EIF4G3: variants seen among roughly 807,000 people sequenced by gnomAD.
EIF4G3 encodes eukaryotic translation initiation factor 4 gamma 3.
EIF4G3 carries 34 observed loss-of-function variants against 186.4 expected under a neutral mutation model. The ratio of observed to expected loss-of-function variants is 0.18; its 90% CI spans 0.14 to 0.24. EIF4G3 has a LOEUF of 0.24. EIF4G3 is among the 10% of genes least tolerant of loss of function. The probability of loss-of-function intolerance (pLI) is 1.00; values close to 1 mark genes in which losing one functional copy is unlikely to be tolerated. For synonymous variants in EIF4G3, 673 were observed against 679.5 expected (o/e 0.99, Z 0.15); for missense variants, 1,536 against 1,948.5 (o/e 0.79, Z 3.99).
intron 29 of EIF4G3, 126 bp from the exon 30 acceptor site, chr1:20,841,154 A>C: frequency 3.4e-6 from 3 of 892,146 alleles, no homozygotes; most frequent in Non-Finnish European, 3.3e-6. Flanking sequence ...GACAGTTTTC[A>C]AATATAAGTT....
intron 22 of EIF4G3, 68 bp downstream of exon 22, chr1:20,864,408 G>T: frequency 9.0e-7 from 1 of 1,109,186 alleles, no homozygotes; most frequent in Non-Finnish European, 1.4e-6. Context: ...CTATTCTGTT[G>T]ACAGTCTAAG....
At chr1:20,983,421 T>C (rs775841858) in intron 7 of EIF4G3, among the ~76,000 whole-genome samples, 39 of 152,354 alleles carry the variant, frequency 2.6e-4, no homozygotes, top group Non-Finnish European at 5.4e-4. Flanking sequence ...AACATTTTTT[T>C]GTTGGCTGCT....
intron 13 of EIF4G3, among the ~76,000 whole-genome samples, chr1:20,943,638 T>C (rs2095805383): frequency 6.6e-6 from 1 of 152,198 alleles, no homozygotes; most frequent in African/African-American, 2.4e-5. Context: ...CAACCTAAAC[T>C]GAGACTACTT....
intron 14 of EIF4G3, among the ~76,000 whole-genome samples, chr1:20,912,787 A>G (rs2093403220): frequency 6.6e-6 from 1 of 152,180 alleles, no homozygotes; most frequent in Admixed American, 6.5e-5. Context: ...TTCTGATTAG[A>G]TAATATGCAA....
intron 2 of EIF4G3, among the ~76,000 whole-genome samples, chr1:21,153,948 G>A (rs547419949): frequency 6.6e-6 from 1 of 152,054 alleles, no homozygotes; most frequent in Middle Eastern, 3.4e-3. Context: ...CATGCTGTTG[G>A]GTTTCACAGG....
At chr1:21,010,158 G>A (rs943126437) in intron 4 of EIF4G3, among the ~76,000 whole-genome samples, 9 of 152,062 alleles carry the variant, frequency 5.9e-5, no homozygotes, top group African/African-American at 2.2e-4. Flanking sequence ...TAGAAAACAT[G>A]TAACAAGGCC....
intron 12 of EIF4G3, among the ~76,000 whole-genome samples, chr1:20,964,324 A>G (rs1336977963): frequency 6.6e-6 from 1 of 151,912 alleles, no homozygotes; most frequent in Non-Finnish European, 1.5e-5. Flanking sequence ...TGTTCTCGTG[A>G]GCCATGATAT....
At chr1:21,053,724 G>T (rs1402609045) in intron 3 of EIF4G3, among the ~76,000 whole-genome samples, 1 of 148,090 alleles carries the variant, frequency 6.8e-6, no homozygotes, top group Non-Finnish European at 1.5e-5. Context: ...GGATGTTGGG[G>T]GGTCAGCCCC....
At chr1:20,979,327 T>C (rs372050985) in intron 10 of EIF4G3, among the ~76,000 whole-genome samples, 1 of 152,202 alleles carries the variant, frequency 6.6e-6, no homozygotes, top group East Asian at 1.9e-4. Context: ...CCCCATGCCA[T>C]AGATCTTATC....
intron 4 of EIF4G3, among the ~76,000 whole-genome samples, chr1:21,006,132 C>A (rs572740140): frequency 6.6e-6 from 1 of 152,304 alleles, no homozygotes; most frequent in East Asian, 1.9e-4. Context: ...TTCTTAGGAA[C>A]AGTATGACTT....
chr1:21,058,239 G>T (rs762130988), intron 3 of EIF4G3, among the ~76,000 whole-genome samples: 2 of 152,092 alleles, frequency 1.3e-5, no homozygotes, highest in African/African-American at 4.8e-5. Context: ...AGAGATTAGG[G>T]ACTATGGAAA....
At chr1:20,927,826 C>G (rs780406289) in intron 14 of EIF4G3, among the ~76,000 whole-genome samples, 1 of 152,148 alleles carries the variant, frequency 6.6e-6, no homozygotes, top group Non-Finnish European at 1.5e-5. Flanking sequence ...TCTGTGACAT[C>G]GAGCAATGCC....
At chr1:21,124,947 T>C (rs1558075163) in intron 2 of EIF4G3, among the ~76,000 whole-genome samples, 1 of 152,188 alleles carries the variant, frequency 6.6e-6, no homozygotes, top group Non-Finnish European at 1.5e-5. Context: ...AGATCTAAAA[T>C]CACCTCCAGT....
intron 2 of EIF4G3, among the ~76,000 whole-genome samples, chr1:21,106,500 A>C (rs2096620976): frequency 6.6e-6 from 1 of 152,196 alleles, no homozygotes; most frequent in African/African-American, 2.4e-5. Flanking sequence ...AGTTAGGCAG[A>C]CAGCAGTACT....
chr1:20,863,070 T>C (rs2076703220), intron 22 of EIF4G3, among the ~76,000 whole-genome samples: 2 of 152,128 alleles, frequency 1.3e-5, no homozygotes, highest in Non-Finnish European at 2.9e-5. Flanking sequence ...ATTATAGGTG[T>C]GAGCCACTGT....
intron 30 of EIF4G3, among the ~76,000 whole-genome samples, chr1:20,832,230 G>GT (rs1234451655): frequency 3.9e-3 from 559 of 142,082 alleles, no homozygotes; most frequent in Middle Eastern, 0.014. Context: ...CACCAACAGT[G>GT]TAAAAGTGTT....
In EIF4G3 at chr1:21,126,974, T is replaced by C. The variant is rs116935798; in HGVS notation, c.-271-37761A>G. The stretch of plus-strand genomic sequence containing the variant: ...TGTATTTTTTTATTTCTATAATTTT[T>C]ATTGTTGGTGTTTTTGTTGTTGTTG... On this transcript the variant is annotated intron_variant, in intron 2 of 36. Transcript: ENST00000602326. Among the ~76,000 whole-genome samples, 16 of 152,284 alleles carry C rather than the reference T, an allele frequency of 1.1e-4. No individual in the cohort carries two copies. The East Asian group carries it at 2.9e-3, about 28-fold the overall frequency.
chr1:21,020,317 G>A (rs1557550953), intron 4 of EIF4G3, among the ~76,000 whole-genome samples: 1 of 151,898 alleles, frequency 6.6e-6, no homozygotes. Flanking sequence ...GCAAGACTCC[G>A]TCTCTACAAA....
intron 14 of EIF4G3, 77 bp downstream of exon 14, chr1:20,941,414 A>G: frequency 6.2e-7 from 1 of 1,610,274 alleles, no homozygotes; most frequent in Non-Finnish European, 8.5e-7. Flanking sequence ...CAAGGAAAGT[A>G]GCCAATTAAA....
Sources: allele counts gnomAD v4.1 joint callset (sites outside exome capture counted in the v4.1 genomes callset), GRCh38; gene constraint gnomAD v4.1.1; transcripts MANE v1.5; gene names NCBI Gene and HGNC (gene_info 2026-07-23, HGNC 2026-07-21).